Variants in ADGRL3 observed in about 807,000 individuals in gnomAD.
The protein encoded by ADGRL3 is adhesion G protein-coupled receptor L3.
ADGRL3 carries 62 observed loss-of-function variants against 153.5 expected under a neutral mutation model. The ratio of observed to expected loss-of-function variants is 0.40; its 90% CI spans 0.33 to 0.50. The LOEUF is 0.50. Ranked by LOEUF, ADGRL3 falls within the 20% of genes least tolerant of loss-of-function variation. ADGRL3 has a pLI of 0.47. For missense variants in ADGRL3, 1,641 were observed against 1,859.4 expected (o/e 0.88, Z 2.16); for synonymous variants, 710 against 672.5 (o/e 1.06, Z -0.86).
intron 2 of ADGRL3, among the ~76,000 whole-genome samples, chr4:61,446,677 T>C (rs2097585893): frequency 6.6e-6 from 1 of 152,180 alleles, no homozygotes; most frequent in South Asian, 2.1e-4. Context: ...TAGCAGTTTG[T>C]AAATGTGGAG....
chr4:61,516,927 T>C (rs1254887195), intron 3 of ADGRL3, among the ~76,000 whole-genome samples: 1 of 152,188 alleles, frequency 6.6e-6, no homozygotes, highest in Non-Finnish European at 1.5e-5. Flanking sequence ...TATTCTTATT[T>C]ACACTTATGT....
chr4:61,203,092 C>T (rs1359473967), intron 1 of ADGRL3, among the ~76,000 whole-genome samples: 2 of 152,180 alleles, frequency 1.3e-5, no homozygotes, highest in Non-Finnish European at 2.9e-5. Context: ...CGATGCACCC[C>T]AGAATGGCCC....
intron 1 of ADGRL3, among the ~76,000 whole-genome samples, chr4:61,222,993 C>T (rs1273193996): frequency 6.6e-6 from 1 of 152,024 alleles, no homozygotes; most frequent in African/African-American, 2.4e-5. Flanking sequence ...GTTAACTGTT[C>T]CAGTTCATGT....
In ADGRL3 at chr4:61,742,479, A is replaced by G. The variant is rs1250733165; in HGVS notation, c.1399+8925A>G. Among the ~76,000 whole-genome samples, 3 of 151,874 alleles carry G rather than the reference A, an allele frequency of 2.0e-5. No homozygotes were observed. The East Asian group carries it at 5.8e-4, about 30-fold the overall frequency. ...GTATTTTTAGTAGAGACGGGGCTTC[A>G]CCATGTTAGACAGGATGGTCTCTAT... On this transcript the variant is annotated intron_variant, in intron 8 of 26. Coordinates refer to ENST00000683033, the MANE Select transcript of ADGRL3 (RefSeq NM_001387552.1).
chr4:61,524,330 A>T (rs1228668768), intron 4 of ADGRL3, among the ~76,000 whole-genome samples: 1 of 152,066 alleles, frequency 6.6e-6, no homozygotes, highest in Non-Finnish European at 1.5e-5. Context: ...TGCATTTCCC[A>T]TTTATGTAAG....
At chr4:61,490,006 C>A (rs2098240527) in intron 2 of ADGRL3, among the ~76,000 whole-genome samples, 1 of 152,040 alleles carries the variant, frequency 6.6e-6, no homozygotes, top group Non-Finnish European at 1.5e-5. Context: ...CCTATTCCAC[C>A]CTAATAGATT....
At chr4:61,609,109 G>A (rs953415560) in intron 5 of ADGRL3, among the ~76,000 whole-genome samples, 1 of 152,126 alleles carries the variant, frequency 6.6e-6, no homozygotes, top group African/African-American at 2.4e-5. Context: ...ACTGTAAAAA[G>A]GAAGTCACAG....
chr4:61,951,325 G>A (rs1472768697), intron 17 of ADGRL3, among the ~76,000 whole-genome samples: 1 of 152,086 alleles, frequency 6.6e-6, no homozygotes, highest in Non-Finnish European at 1.5e-5. Context: ...GCAGTGTCAG[G>A]GGAGCCGACT....
At chr4:61,503,768 A>G (rs1202063174) in intron 3 of ADGRL3, among the ~76,000 whole-genome samples, 1 of 152,138 alleles carries the variant, frequency 6.6e-6, no homozygotes, top group Non-Finnish European at 1.5e-5. Context: ...TAATATTTGT[A>G]CATGTTTATG....
intron 5 of ADGRL3, among the ~76,000 whole-genome samples, chr4:61,617,597 C>T (rs187736907): frequency 6.6e-6 from 1 of 152,136 alleles, no homozygotes; most frequent in African/African-American, 2.4e-5. Flanking sequence ...TTAGAAAGAA[C>T]CTTCCTTGTT....
intron 13 of ADGRL3, among the ~76,000 whole-genome samples, chr4:61,914,979 A>C (rs1445897644): frequency 3.3e-5 from 5 of 152,114 alleles, no homozygotes; most frequent in African/African-American, 1.2e-4. Flanking sequence ...CTTAAAAACC[A>C]GAGTGAAAAA....
chr4:62,013,168 G>A (rs573728700), intron 21 of ADGRL3, among the ~76,000 whole-genome samples: 38 of 152,248 alleles, frequency 2.5e-4, no homozygotes, highest in Middle Eastern at 6.8e-3. Flanking sequence ...TATTCCTGAT[G>A]GGGAACGGGA....
chr4:62,015,201 C>G (rs2099205939), intron 21 of ADGRL3, among the ~76,000 whole-genome samples: 1 of 152,140 alleles, frequency 6.6e-6, no homozygotes, highest in South Asian at 2.1e-4. Flanking sequence ...GTTTTCTCCA[C>G]TACATACAGC....
chr4:61,629,886 A>G (rs1048314091), intron 5 of ADGRL3, among the ~76,000 whole-genome samples: 1 of 151,916 alleles, frequency 6.6e-6, no homozygotes, highest in Non-Finnish European at 1.5e-5. Flanking sequence ...GTAGAGACTA[A>G]TTCTAATCAA....
chr4:61,636,022 T>G (rs2093407572), intron 5 of ADGRL3, among the ~76,000 whole-genome samples: 1 of 152,190 alleles, frequency 6.6e-6, no homozygotes, highest in East Asian at 1.9e-4. Context: ...AGAGACATGT[T>G]CTGAGGAACT....
intron 1 of ADGRL3, among the ~76,000 whole-genome samples, chr4:61,356,961 A>G (rs1382989740): frequency 6.6e-6 from 1 of 151,984 alleles, no homozygotes; most frequent in Non-Finnish European, 1.5e-5. Flanking sequence ...GATATAATTT[A>G]CTGACAAAAT....
In ADGRL3 at chr4:61,342,875, C is replaced by T. The variant is rs537913487; in HGVS notation, c.-239-40249C>T. ...CTCATGCTGCTAATAAAGACATATC[C>T]GAGACTGGGTAATTGTAAAGGAAAA... On this transcript the variant is annotated intron_variant, in intron 1 of 26. Transcript: ENST00000683033. 7.6e-4 allele frequency among the ~76,000 whole-genome samples: 116 copies of T among 152,174 alleles called. No individual in the cohort carries two copies. The Middle Eastern group carries it at 0.014, about 18-fold the overall frequency.
At chr4:61,531,472 G>A (rs1022180492) in intron 4 of ADGRL3, among the ~76,000 whole-genome samples, 2 of 152,154 alleles carry the variant, frequency 1.3e-5, no homozygotes, top group African/African-American at 4.8e-5. Flanking sequence ...AAGAGCCTTA[G>A]TGGCTTGATG....
chr4:61,846,723 A>C (rs1408571606), intron 9 of ADGRL3, among the ~76,000 whole-genome samples: 1 of 151,938 alleles, frequency 6.6e-6, no homozygotes, highest in African/African-American at 2.4e-5. Context: ...TACAGGAAAC[A>C]TGGTGCTGGC....
Sources: gnomAD v4.1 joint callset for allele counts (sites outside exome capture counted in the v4.1 genomes callset) on GRCh38, gnomAD v4.1.1 for gene constraint, MANE v1.5 for transcripts, NCBI Gene and HGNC (gene_info 2026-07-23, HGNC 2026-07-21) for gene names.